Variants in LMNA observed in about 807,000 individuals in gnomAD.
The protein encoded by LMNA is lamin.
A neutral mutation model predicts 70.4 loss-of-function variants in LMNA; 20 were observed. That is an observed-to-expected ratio of 0.28 (90% CI 0.20 to 0.41). The LOEUF is 0.41. Among genes scored for constraint, LMNA ranks in the 10% least tolerant of loss-of-function variants. LMNA has a pLI of 1.00. For missense variants in LMNA, 652 were observed against 917.2 expected, an observed-to-expected ratio of 0.71 and a Z score of 3.73; for synonymous variants, 339 against 372.8, an observed-to-expected ratio of 0.91 and a Z score of 1.04.
rs1572370098 is a variant in LMNA at position 156,138,841 on chromosome 1, G to T, written c.1968+84G>T. ...TAGGACGAGGTGGCCTTGCAGGGGG[G>T]AGAGCCTGCCTTCTCTTCCGCAGCC... is the stretch of plus-strand genomic sequence containing the variant. On this transcript the variant is annotated intron_variant, in intron 11 of 11. Coordinates refer to ENST00000368300, the MANE Select transcript of LMNA (RefSeq NM_170707.4). This position sits in a 1 kb window ranked among gnomAD's most constrained non-coding sequence, Gnocchi z 5.5. The T allele has an allele frequency of 4.5e-6, 7 of 1,554,656 alleles. No individual in the cohort carries two copies. The East Asian group carries it at 1.6e-4, about 35-fold the overall frequency.
At chr1:156,083,741 T>G (rs1648365834) in intron 2 of LMNA, 1 of 152,008 alleles carries the variant, frequency 6.6e-6, no homozygotes, top group Non-Finnish European at 1.5e-5. Context: ...AGGCGGAAGT[T>G]GCAGTGAGTC....
chr1:156,115,719 C>G lies in LMNA; in HGVS notation c.356+445C>G, dbSNP rs527436199. On this transcript the variant is annotated intron_variant, in intron 1 of 11. Coordinates refer to ENST00000368300, the MANE Select transcript of LMNA (RefSeq NM_170707.4). The surrounding 1 kb of genome is among the most constrained non-coding windows in gnomAD (Gnocchi z 5.8). ...GTTAGCGGGCTTGGCACTGTGCTAG[C>G]TTTGCCCAAGCTGGCTCTGAACACA... Among the ~76,000 whole-genome samples, 17 of 152,352 alleles carry G rather than the reference C, an allele frequency of 1.1e-4. No individual in the cohort carries two copies. The highest frequency in any genetic ancestry group is 4.1e-4 in the African/African-American group (17 of 41,576).
intron 2 of LMNA, among the ~76,000 whole-genome samples, chr1:156,084,327 T>TAGGGG (rs1558104047): frequency 1.7e-4 from 1 of 5,770 alleles, no homozygotes; most frequent in Non-Finnish European, 3.1e-4. Flanking sequence ...TCTCAGAAGG[T>TAGGGG]CGGGGGGTGG....
At chr1:156,105,278 T>C (rs1280863935) in intron 3 of LMNA, among the ~76,000 whole-genome samples, 7 of 152,126 alleles carry the variant, frequency 4.6e-5, no homozygotes, top group Admixed American at 3.9e-4. Flanking sequence ...AGGGAGGTGG[T>C]TGGGCTGCAC....
At position 156,117,781 on chromosome 1, in the gene LMNA, A is replaced by G. The variant is rs113177478; in HGVS notation, c.356+2507A>G. Among the ~76,000 whole-genome samples, 1,067 of 152,032 alleles carry G rather than the reference A, an allele frequency of 7.0e-3. 13 individuals are homozygous for G. The highest frequency in any genetic ancestry group is 0.024 in the African/African-American group (1,009 of 41,460). Reference sequence around the variant, plus strand: ...TGGGTTCATTCTGCTGAAAGAGACCACACCTGTCCTTTTCTTTATTTTTAT... The same window carrying G: ...TGGGTTCATTCTGCTGAAAGAGACCGCACCTGTCCTTTTCTTTATTTTTAT... On this transcript the variant is annotated intron_variant, in intron 1 of 11. Transcript: ENST00000368300.
chr1:156,097,851 A>G (rs566119414), intron 3 of LMNA, among the ~76,000 whole-genome samples: 1 of 152,278 alleles, frequency 6.6e-6, no homozygotes, highest in African/African-American at 2.4e-5. Flanking sequence ...AGCCCAAGAG[A>G]GTAGGCCCCA....
In LMNA at chr1:156,135,771, AG is replaced by A. The variant is rs1651513245; in HGVS notation, c.937-127del. 1.3e-6 allele frequency: 1 copy of A among 756,788 alleles called. No individual in the cohort carries two copies. The highest frequency in any genetic ancestry group is 2.2e-5 in the Admixed American group (1 of 45,648). The allele number at this position is 756,788 out of a possible 1,614,324, so 46.9% of individuals were successfully genotyped here. ...GTGATGTTCAGAGCTGGCTCTGATGAGGGCTCTGGGGAAGCTCTGATTGCAG... is the reference window on the plus strand; with the variant it reads ...GTGATGTTCAGAGCTGGCTCTGATGAGGCTCTGGGGAAGCTCTGATTGCAG... On this transcript the variant is annotated intron_variant, in intron 5 of 11. Coordinates refer to ENST00000368300, the MANE Select transcript of LMNA (RefSeq NM_170707.4). The surrounding 1 kb of genome is among the most constrained non-coding windows in gnomAD (Gnocchi z 4.8).
chr1:156,106,644 C>A (rs1234441059), intron 3 of LMNA: 4 of 122,066 alleles, frequency 3.3e-5, no homozygotes, highest in African/African-American at 1.3e-4. Flanking sequence ...CACCCCCCCA[C>A]GCCTCTGTCC....
chr1:156,085,788 GC>G (rs1648451572), intron 2 of LMNA, among the ~76,000 whole-genome samples: 1 of 152,250 alleles, frequency 6.6e-6, no homozygotes, highest in Non-Finnish European at 1.5e-5. Flanking sequence ...GGGCATGGTG[GC>G]TCGTTCCTGT....
upstream of LMNA, among the ~76,000 whole-genome samples, chr1:156,110,781 G>T (rs911773558): frequency 1.3e-5 from 2 of 152,146 alleles, no homozygotes; most frequent in Middle Eastern, 3.2e-3. Context: ...TTCGAGACCA[G>T]CCTGGCCAAC....
At chr1:156,097,934 C>CGTGTGCGT in intron 3 of LMNA, among the ~76,000 whole-genome samples, 1 of 151,934 alleles carries the variant, frequency 6.6e-6, no homozygotes, top group South Asian at 2.1e-4. Flanking sequence ...GGCAGGGGTG[C>CGTGTGCGT]GTGTGCGTGT....
chr1:156,128,778 CCTT>C (rs1650795501), intron 1 of LMNA, among the ~76,000 whole-genome samples: 1 of 152,226 alleles, frequency 6.6e-6, no homozygotes, highest in African/African-American at 2.4e-5. Flanking sequence ...ACTCTAAGCT[CCTT>C]CTAGTTCTCT....
In LMNA at chr1:156,138,754, C is replaced by G; in HGVS notation, c.1965C>G (p.Thr655=). The part of the protein sequence containing the change: ...SYLLGNSSPR[T]QSPQNCSIM Reference sequence around the variant, plus strand: ...TCCTGGGCAACTCCAGCCCCCGAACCCAGGTGAGTTGTCTCTGCTTTGTCT... The same window carrying G: ...TCCTGGGCAACTCCAGCCCCCGAACGCAGGTGAGTTGTCTCTGCTTTGTCT... Residue 655 remains threonine, a synonymous_variant, in exon 11 of 12, where the codon ACC becomes ACG. Coordinates refer to ENST00000368300, the MANE Select transcript of LMNA (RefSeq NM_170707.4). This position sits in a 1 kb window ranked among gnomAD's most constrained non-coding sequence, Gnocchi z 5.5. 1.2e-6 allele frequency: 2 copies of G among 1,613,418 alleles called. No individual in the cohort carries two copies. The highest frequency in any genetic ancestry group is 1.7e-4 in the Middle Eastern group (1 of 6,058).
intron 3 of LMNA, among the ~76,000 whole-genome samples, chr1:156,105,074 T>G (rs993737880): frequency 3.9e-5 from 6 of 152,148 alleles, no homozygotes; most frequent in African/African-American, 1.4e-4. Flanking sequence ...CCAGTGGTTT[T>G]CTCATTACCT....
chr1:156,084,034 T>G (rs1648377342), intron 2 of LMNA, among the ~76,000 whole-genome samples: 2 of 152,166 alleles, frequency 1.3e-5, no homozygotes, highest in Non-Finnish European at 2.9e-5. Flanking sequence ...GCTTGAGGGC[T>G]CGAGGTCAGA....
In LMNA at chr1:156,136,740, G is replaced by A. The variant is rs1185649460; in HGVS notation, c.1381-181G>A. The A allele has an allele frequency of 1.3e-5, 9 of 701,192 alleles. No individual in the cohort carries two copies. Among genetic ancestry groups the A allele is most frequent in the African/African-American group, 3.5e-5 (2 of 57,090 alleles). The allele number at this position is 701,192 out of a possible 1,614,324, so 43.4% of individuals were successfully genotyped here. ...AAGATAAGGTATCCGTGTGCCTGGT[G>A]CTGCGTATGTGTCCACAGATCATGG... On this transcript the variant is annotated intron_variant, in intron 7 of 11. Transcript: ENST00000368300. This position sits in a 1 kb window ranked among gnomAD's most constrained non-coding sequence, Gnocchi z 6.1.
At position 156,125,843 on chromosome 1, in the gene LMNA, G is replaced by T. The variant is rs551091243; in HGVS notation, c.357-4774G>T. 2.0e-5 allele frequency among the ~76,000 whole-genome samples: 3 copies of T among 152,004 alleles called. No homozygotes were observed. The East Asian group carries it at 5.8e-4, about 29-fold the overall frequency. On this transcript the variant is annotated intron_variant, in intron 1 of 11. Coordinates refer to ENST00000368300, the MANE Select transcript of LMNA (RefSeq NM_170707.4). ...GTCTCTACTAAAAATAGAAAAATTA[G>T]CTAGGCATGGTGGTGCAGGCCTGTA...
intron 1 of LMNA, among the ~76,000 whole-genome samples, chr1:156,118,879 G>T (rs939067537): frequency 3.9e-5 from 6 of 152,176 alleles, no homozygotes; most frequent in African/African-American, 1.4e-4. Context: ...CCACACTCAG[G>T]AGTTTGGGGG....
intron 2 of LMNA, among the ~76,000 whole-genome samples, chr1:156,131,232 C>T (rs1651035549): frequency 2.0e-5 from 3 of 151,954 alleles, no homozygotes; most frequent in African/African-American, 7.3e-5. Flanking sequence ...GATCATGCCA[C>T]TGCACTCCAG....
Sources: gnomAD v4.1 joint callset for allele counts (sites outside exome capture counted in the v4.1 genomes callset) on GRCh38, gnomAD v4.1.1 for gene constraint, Gnocchi (gnomAD v3.1) non-coding constraint, MANE v1.5 for transcripts, NCBI Gene and HGNC (gene_info 2026-07-23, HGNC 2026-07-21) for gene names.